The following RTL4 variants were observed in gnomAD, a reference collection of about 807,000 sequenced individuals.
RTL4 encodes retrotransposon Gag like 4, also known as retrotransposon Gag-like protein 4.
Under a neutral mutation model 5.3 loss-of-function variants are expected in RTL4, and 4 were observed. That is an observed-to-expected ratio of 0.75 (90% confidence interval 0.37 to 1.72). RTL4 has a LOEUF of 1.72. Ranked by LOEUF, RTL4 falls within the 40% of genes most tolerant of loss-of-function variation. RTL4 has a pLI of 0.04. For missense variants in RTL4, 260 were observed against 227.1 expected (o/e 1.14, Z -0.93); for synonymous variants, 98 against 87.3 (o/e 1.12, Z -0.68).
At chrX:112,250,572 G>T in the RTL4 span, among the ~76,000 whole-genome samples, 2 of 111,844 alleles carry the variant, frequency 1.8e-5, no homozygotes, top group African/African-American at 6.5e-5. Flanking sequence ...CAGTGTCCAG[G>T]ATAGCGTCAC....
At chrX:112,323,392 G>A in the RTL4 span, among the ~76,000 whole-genome samples, 1 of 111,320 alleles carries the variant, frequency 9.0e-6, no homozygotes, top group East Asian at 2.8e-4. Flanking sequence ...ATAACCTTGT[G>A]TCTTTTATCA....
the RTL4 span, among the ~76,000 whole-genome samples, chrX:112,236,884 C>A: frequency 3.8e-4 from 42 of 111,213 alleles, no homozygotes; most frequent in African/African-American, 1.4e-3. Flanking sequence ...CCTGGATAAT[C>A]TGGATGGGAC....
At chrX:112,443,649 T>C in the RTL4 span, among the ~76,000 whole-genome samples, 1 of 112,175 alleles carries the variant, frequency 8.9e-6, no homozygotes, top group Non-Finnish European at 1.9e-5. Context: ...TGAAATGATA[T>C]CTCATTGTAG....
the RTL4 span, among the ~76,000 whole-genome samples, chrX:112,269,335 CT>C: frequency 9.0e-6 from 1 of 111,447 alleles, no homozygotes; most frequent in Admixed American, 9.6e-5. Context: ...CCACATTCAA[CT>C]TTTCTAAACT....
chrX:112,398,708 A>C, the RTL4 span, among the ~76,000 whole-genome samples: 3 of 111,603 alleles, frequency 2.7e-5, no homozygotes, highest in African/African-American at 9.8e-5. Flanking sequence ...CTGTTGGATC[A>C]GATTTTCTAA....
chrX:112,354,403 T>G, the RTL4 span, among the ~76,000 whole-genome samples: 10 of 111,717 alleles, frequency 9.0e-5, no homozygotes. Flanking sequence ...GATTAATATT[T>G]GTAAATCCTT....
chrX:112,229,843 G>T, the RTL4 span, among the ~76,000 whole-genome samples: 1 of 111,832 alleles, frequency 8.9e-6, no homozygotes, highest in Non-Finnish European at 1.9e-5. Flanking sequence ...GCAGAACAGT[G>T]GATATTGGTG....
chrX:112,352,326 A>AAAG, the RTL4 span, among the ~76,000 whole-genome samples: 1 of 110,414 alleles, frequency 9.1e-6, no homozygotes, highest in African/African-American at 3.3e-5. Context: ...ATTGGAAAAA[A>AAAG]ATACTTTAAT....
At chrX:112,339,611 A>C in the RTL4 span, among the ~76,000 whole-genome samples, 1 of 112,535 alleles carries the variant, frequency 8.9e-6, no homozygotes, top group Non-Finnish European at 1.9e-5. Flanking sequence ...TGATTCTCAA[A>C]ATATTTAACA....
At chrX:112,170,141 A>G in the RTL4 span, among the ~76,000 whole-genome samples, 8 of 111,971 alleles carry the variant, frequency 7.1e-5, no homozygotes, top group Non-Finnish European at 1.3e-4. Context: ...TACCAGTACC[A>G]TGCTGTTTTG....
the RTL4 span, among the ~76,000 whole-genome samples, chrX:112,433,965 G>T: frequency 1.1e-4 from 9 of 85,606 alleles, no homozygotes; most frequent in Non-Finnish European, 1.4e-4. Context: ...TTTGTCAAAG[G>T]CCTTTTCTGC....
chrX:112,265,595 T>C, the RTL4 span, among the ~76,000 whole-genome samples: 1 of 111,700 alleles, frequency 9.0e-6, no homozygotes, highest in Non-Finnish European at 1.9e-5. Context: ...GGGTTCATAA[T>C]TGTGCTTCTT....
chrX:112,216,764 A>G, the RTL4 span, among the ~76,000 whole-genome samples: 1 of 112,027 alleles, frequency 8.9e-6, no homozygotes, highest in Non-Finnish European at 1.9e-5. Flanking sequence ...TTTAGTACAG[A>G]GGAAGTAAGA....
At chrX:112,107,568 G>C in the RTL4 span, among the ~76,000 whole-genome samples, 1 of 111,836 alleles carries the variant, frequency 8.9e-6, no homozygotes, top group South Asian at 3.7e-4. Context: ...CTGAATGCCA[G>C]CTTTGCTGGG....
At chrX:112,209,297 C>A in the RTL4 span, among the ~76,000 whole-genome samples, 1 of 112,078 alleles carries the variant, frequency 8.9e-6, no homozygotes, top group Non-Finnish European at 1.9e-5. Flanking sequence ...CCAGCCAAAC[C>A]ATTGGCTACA....
At chrX:112,201,112 G>A in the RTL4 span, among the ~76,000 whole-genome samples, 7 of 111,262 alleles carry the variant, frequency 6.3e-5, no homozygotes, top group African/African-American at 1.3e-4. Flanking sequence ...GAGAAGCAAG[G>A]CACCTTCTTC....
chrX:112,188,002 A>G, the RTL4 span, among the ~76,000 whole-genome samples: 1 of 111,840 alleles, frequency 8.9e-6, no homozygotes, highest in Non-Finnish European at 1.9e-5. Flanking sequence ...GATCATGGCT[A>G]TGTTAATTAA....
chrX:112,455,593 T>A, exon 1 of RTL4: 1 of 1,211,482 alleles, frequency 8.3e-7, no homozygotes, highest in East Asian at 3.0e-5. Context: ...ATCTGGTCAC[T>A]TCACAAGAGA....
the RTL4 span, among the ~76,000 whole-genome samples, chrX:112,200,813 C>T: frequency 8.9e-6 from 1 of 111,978 alleles, no homozygotes; most frequent in East Asian, 2.8e-4. Context: ...CCTTTGAAAT[C>T]CTGGTGCTGC....
Sources: gnomAD v4.1 joint callset for allele counts (sites outside exome capture counted in the v4.1 genomes callset) on GRCh38, gnomAD v4.1.1 for gene constraint, MANE v1.5 for transcripts, NCBI Gene and HGNC (gene_info 2026-07-23, HGNC 2026-07-21) for gene names.